Variants in EDARADD observed in about 807,000 individuals in gnomAD.
EDARADD encodes ectodysplasin-A receptor-associated adapter protein.
A neutral mutation model predicts 25.6 loss-of-function variants in EDARADD; 20 were observed. The ratio of observed to expected loss-of-function variants is 0.78; its 90% CI spans 0.55 to 1.14. The LOEUF (loss-of-function observed/expected upper bound fraction) is 1.14, where lower values mean the gene tolerates loss of function less well. Ranked by LOEUF, EDARADD falls within the 50% of genes most tolerant of loss-of-function variation. The pLI, the probability that EDARADD is intolerant of heterozygous loss-of-function variation, is 0.00. For missense variants in EDARADD, 225 were observed against 270.1 expected, an observed-to-expected ratio of 0.83 and a Z score of 1.17; for synonymous variants, 86 against 94.4, an observed-to-expected ratio of 0.91 and a Z score of 0.52.
chr1:236,432,254 A>G (rs1349565479), intron 4 of EDARADD, among the ~76,000 whole-genome samples: 1 of 151,546 alleles, frequency 6.6e-6, no homozygotes, highest in Non-Finnish European at 1.5e-5. Context: ...AATTAACCAC[A>G]CCTGTGGTCC....
At chr1:236,461,929 G>T (rs1659049287) in intron 4 of EDARADD, among the ~76,000 whole-genome samples, 2 of 152,216 alleles carry the variant, frequency 1.3e-5, no homozygotes, top group Non-Finnish European at 2.9e-5. Context: ...ACCAGTGGGG[G>T]CTGTCAGAGA....
At chr1:236,462,354 T>C (rs546265732) in intron 4 of EDARADD, among the ~76,000 whole-genome samples, 1 of 152,064 alleles carries the variant, frequency 6.6e-6, no homozygotes, top group African/African-American at 2.4e-5. Context: ...ACAGCTGAGG[T>C]TTTGGGTTGG....
chr1:236,410,435 T>C (rs1441513735), intron 2 of EDARADD, among the ~76,000 whole-genome samples: 2 of 152,200 alleles, frequency 1.3e-5, no homozygotes, highest in Admixed American at 6.5e-5. Flanking sequence ...TGTGTTCTTT[T>C]TTATGGCTGC....
intron 4 of EDARADD, among the ~76,000 whole-genome samples, chr1:236,462,316 A>G (rs1571950415): frequency 6.6e-6 from 1 of 151,684 alleles, no homozygotes; most frequent in Non-Finnish European, 1.5e-5. Context: ...CTCTCTCCTG[A>G]TATCAGAAGA....
chr1:236,394,693 C>G (rs571631337), intron 1 of EDARADD, among the ~76,000 whole-genome samples, 188 bp downstream of exon 1: 1 of 152,252 alleles, frequency 6.6e-6, no homozygotes, highest in East Asian at 1.9e-4. Flanking sequence ...TTCAAAGATT[C>G]CTATTTAATT....
chr1:236,468,115 C>T (rs1659264430), intron 4 of EDARADD, 116 bp from the exon 5 acceptor site: 2 of 983,862 alleles, frequency 2.0e-6, no homozygotes, highest in Admixed American at 1.7e-5. Context: ...GATCCAGTCC[C>T]TCCACCCACC....
chr1:236,473,657 C>A (rs759572153), intron 5 of EDARADD, among the ~76,000 whole-genome samples: 1 of 152,086 alleles, frequency 6.6e-6, no homozygotes, highest in Non-Finnish European at 1.5e-5. Context: ...CGGTGGCGTG[C>A]GCCTGTGGTC....
At chr1:236,429,060 G>A (rs1399875159) in intron 4 of EDARADD, among the ~76,000 whole-genome samples, 1 of 152,068 alleles carries the variant, frequency 6.6e-6, no homozygotes, top group Non-Finnish European at 1.5e-5. Context: ...CAGGCAGGGA[G>A]GTTGCAGTGA....
At chr1:236,428,700 C>G (rs1349157452) in intron 4 of EDARADD, among the ~76,000 whole-genome samples, 2 of 128,926 alleles carry the variant, frequency 1.6e-5, no homozygotes, top group African/African-American at 2.7e-5. Flanking sequence ...ACTGGGCTGC[C>G]GGGCAGAGAC....
intron 3 of EDARADD, among the ~76,000 whole-genome samples, chr1:236,353,353 A>C (rs1252956291): frequency 6.6e-6 from 1 of 152,170 alleles, no homozygotes; most frequent in Non-Finnish European, 1.5e-5. Flanking sequence ...CCCACTGTGC[A>C]TGAGGTGACT....
chr1:236,368,944 A>C (rs1188320222), intron 3 of EDARADD, among the ~76,000 whole-genome samples: 1 of 151,986 alleles, frequency 6.6e-6, no homozygotes, highest in Non-Finnish European at 1.5e-5. Flanking sequence ...TAAATTTTTG[A>C]GGTAAGGAAT....
chr1:236,389,304 C>G (rs534062332), upstream of EDARADD, among the ~76,000 whole-genome samples: 209 of 152,298 alleles, frequency 1.4e-3, no homozygotes, highest in African/African-American at 4.6e-3. Context: ...CTCCTCTCTG[C>G]TCTGCACCTA....
At chr1:236,476,858 G>A (rs988117753) in intron 5 of EDARADD, among the ~76,000 whole-genome samples, 1 of 151,730 alleles carries the variant, frequency 6.6e-6, no homozygotes. Context: ...AAAATTAGTT[G>A]GGCATGGAGG....
intron 4 of EDARADD, among the ~76,000 whole-genome samples, chr1:236,441,137 A>C (rs1658386025): frequency 6.6e-6 from 1 of 151,762 alleles, no homozygotes; most frequent in Admixed American, 6.6e-5. Context: ...TAAGAAAGCC[A>C]TTATTCTTAT....
chr1:236,363,464 C>A (rs1317295650), intron 3 of EDARADD, among the ~76,000 whole-genome samples: 1 of 151,756 alleles, frequency 6.6e-6, no homozygotes, highest in Non-Finnish European at 1.5e-5. Context: ...TGCCTGTAAT[C>A]CCAGCACTTT....
chr1:236,483,600 C>A lies in EDARADD; in HGVS notation c.*951C>A. 6.7e-7 allele frequency: 1 copy of A among 1,501,178 alleles called. No individual in the cohort carries two copies. Among genetic ancestry groups the A allele is most frequent in the Non-Finnish European group, 9.3e-7 (1 of 1,079,384 alleles). 93.0% of individuals were successfully genotyped at this position (1,501,178 alleles called of 1,614,324 possible). On this transcript the variant is annotated 3_prime_UTR_variant, in exon 6 of 6. Transcript: ENST00000334232. Reference sequence around the variant, plus strand: ...GTCTGGCAACTCCAAAGTCATCTTGCCAGTCCCGGTGTTCAATGTCATCAA... The same window carrying A: ...GTCTGGCAACTCCAAAGTCATCTTGACAGTCCCGGTGTTCAATGTCATCAA...
chr1:236,391,040 G>T (rs965201434), upstream of EDARADD, among the ~76,000 whole-genome samples: 1 of 151,936 alleles, frequency 6.6e-6, no homozygotes. Context: ...TCCCCCTCCT[G>T]GGTTTAAGTG....
chr1:236,411,978 G>A (rs1415162662), intron 2 of EDARADD, among the ~76,000 whole-genome samples: 1 of 152,140 alleles, frequency 6.6e-6, no homozygotes, highest in African/African-American at 2.4e-5. Context: ...TGGGGGTTAG[G>A]ACTTCAACAC....
chr1:236,398,177 T>C lies in EDARADD; in HGVS notation c.61+3672T>C, dbSNP rs1408080576. On this transcript the variant is annotated intron_variant, in intron 1 of 5. Transcript: ENST00000334232. The surrounding 1 kb of genome is among the most constrained non-coding windows in gnomAD (Gnocchi z 4.1). ...TCTCACTCTGTCACCCAGGCTGGAG[T>C]GCAGTGGCGTGATCCCCACTCACTG... Among the ~76,000 whole-genome samples, 17 of 152,130 alleles carry C rather than the reference T, an allele frequency of 1.1e-4. No homozygotes were observed. Among genetic ancestry groups the C allele is most frequent in the Non-Finnish European group, 2.9e-5 (2 of 68,024 alleles).
Sources: allele counts gnomAD v4.1 joint callset (sites outside exome capture counted in the v4.1 genomes callset), GRCh38; gene constraint gnomAD v4.1.1; non-coding constraint Gnocchi (gnomAD v3.1); transcripts MANE v1.5; gene names NCBI Gene and HGNC (gene_info 2026-07-23, HGNC 2026-07-21).